DLGAP1: variants seen among roughly 807,000 people sequenced by gnomAD.
DLGAP1 encodes DLG associated protein 1.
DLGAP1 carries 11 observed loss-of-function variants against 90.8 expected under a neutral mutation model. The ratio of observed to expected loss-of-function variants is 0.12; its 90% confidence interval spans 0.08 to 0.20. DLGAP1 has a LOEUF of 0.20. Among genes scored for constraint, DLGAP1 ranks in the 10% least tolerant of loss-of-function variants. DLGAP1 has a pLI of 1.00. For synonymous variants in DLGAP1, 558 were observed against 540.7 expected (o/e 1.03, Z -0.44); for missense variants, 1,050 against 1,333.8 (o/e 0.79, Z 3.31).
intron 2 of DLGAP1, among the ~76,000 whole-genome samples, chr18:4,021,285 T>G (rs2074604330): frequency 6.6e-6 from 1 of 152,184 alleles, no homozygotes; most frequent in African/African-American, 2.4e-5. Context: ...TGGGAGGTAC[T>G]TGGGTCATCA....
intron 1 of DLGAP1, among the ~76,000 whole-genome samples, chr18:4,290,290 T>C (rs2079813992): frequency 6.6e-6 from 1 of 152,232 alleles, no homozygotes; most frequent in Admixed American, 6.5e-5. Context: ...AATACTTAGA[T>C]TATCAAAAAC....
chr18:3,953,082 C>T (rs1270934382), intron 3 of DLGAP1, among the ~76,000 whole-genome samples: 1 of 152,198 alleles, frequency 6.6e-6, no homozygotes, highest in East Asian at 1.9e-4. Flanking sequence ...AGTTAATTGT[C>T]CTGAGAAATT....
At chr18:3,874,959 C>T (rs1358491069) in intron 4 of DLGAP1, among the ~76,000 whole-genome samples, 2 of 152,156 alleles carry the variant, frequency 1.3e-5, no homozygotes, top group Admixed American at 1.3e-4. Flanking sequence ...AGGCTAAATA[C>T]TTATAGACTT....
At chr18:3,952,773 G>A (rs918959420) in intron 3 of DLGAP1, among the ~76,000 whole-genome samples, 1 of 152,176 alleles carries the variant, frequency 6.6e-6, no homozygotes, top group Admixed American at 6.5e-5. Context: ...CTGAACAGTT[G>A]TCTTTATTGC....
chr18:4,075,541 A>G (rs2075510537), intron 2 of DLGAP1, among the ~76,000 whole-genome samples: 2 of 152,292 alleles, frequency 1.3e-5, no homozygotes, highest in Middle Eastern at 3.4e-3. Flanking sequence ...TTGGGTCCCA[A>G]TTAGTTTGAT....
intron 1 of DLGAP1, among the ~76,000 whole-genome samples, chr18:4,167,035 G>A (rs1409522399): frequency 2.0e-5 from 3 of 152,078 alleles, no homozygotes; most frequent in African/African-American, 7.2e-5. Context: ...CTTACATTAT[G>A]TATATTTTAC....
intron 7 of DLGAP1, among the ~76,000 whole-genome samples, chr18:3,655,267 A>AC (rs1406005204): frequency 3.3e-5 from 5 of 151,398 alleles, no homozygotes; most frequent in South Asian, 2.1e-4. Context: ...GAGAACACAC[A>AC]CCCCCCCAAA....
intron 5 of DLGAP1, among the ~76,000 whole-genome samples, chr18:3,782,029 GGAA>G (rs1162017913): frequency 7.6e-4 from 5 of 6,548 alleles, no homozygotes; most frequent in African/African-American, 1.3e-3. Context: ...TTCCAAGCTT[GGAA>G]CAGTATTCCA....
chr18:3,796,880 A>G (rs2066016776), intron 5 of DLGAP1, among the ~76,000 whole-genome samples: 1 of 152,238 alleles, frequency 6.6e-6, no homozygotes, highest in Admixed American at 6.5e-5. Context: ...AGAAAATAGT[A>G]TCAGATGCTA....
intron 1 of DLGAP1, among the ~76,000 whole-genome samples, chr18:4,163,993 C>T (rs73369077): frequency 0.017 from 2,621 of 152,226 alleles, 80 homozygotes; most frequent in African/African-American, 0.059. Flanking sequence ...AGTGAAAATT[C>T]ACTCAGCTCA....
intron 5 of DLGAP1, among the ~76,000 whole-genome samples, chr18:3,748,476 G>C (rs1344435636): frequency 2.6e-5 from 4 of 152,178 alleles, no homozygotes; most frequent in Non-Finnish European, 5.9e-5. Context: ...GAGAATCTTT[G>C]GAGGTGATGG....
At chr18:4,400,042 C>T (rs2082520222) in intron 1 of DLGAP1, among the ~76,000 whole-genome samples, 1 of 152,122 alleles carries the variant, frequency 6.6e-6, no homozygotes, top group Non-Finnish European at 1.5e-5. Context: ...GACACCTGCA[C>T]CACTCTTGAA....
In DLGAP1 at chr18:4,453,528, C is replaced by G. The variant is rs567987112; in HGVS notation, c.-267+1478G>C. Among the ~76,000 whole-genome samples, 4 of 152,158 alleles carry G rather than the reference C, an allele frequency of 2.6e-5. No homozygotes were observed. In the East Asian group the frequency reaches 7.8e-4, roughly 30 times the overall value. The stretch of plus-strand genomic sequence containing the variant: ...TGAACTGAAATCGTGCTATAAATAA[C>G]AGTCAAAGGGCTGTTCTTTTTAGAA... On this transcript the variant is annotated intron_variant, in intron 1 of 12. Coordinates refer to ENST00000315677, the MANE Select transcript of DLGAP1 (RefSeq NM_004746.4).
intron 2 of DLGAP1, among the ~76,000 whole-genome samples, chr18:4,128,873 CAACT>C (rs1725681134): frequency 6.6e-6 from 1 of 152,110 alleles, no homozygotes; most frequent in Non-Finnish European, 1.5e-5. Flanking sequence ...CTTGACTGAA[CAACT>C]AACTGCTGGT....
intron 7 of DLGAP1, among the ~76,000 whole-genome samples, chr18:3,637,366 T>G (rs2058755003): frequency 6.6e-6 from 1 of 152,046 alleles, no homozygotes; most frequent in Non-Finnish European, 1.5e-5. Context: ...GAAACACGTT[T>G]AGTTTATTTG....
intron 5 of DLGAP1, among the ~76,000 whole-genome samples, chr18:3,772,346 CTCTTTCTTTCTT>C (rs869167707): frequency 0.021 from 294 of 14,220 alleles, 7 homozygotes; most frequent in African/African-American, 0.041. Flanking sequence ...CTCTCTCTCT[CTCTTTCTTTCTT>C]TCTTTCTTTC....
intron 2 of DLGAP1, among the ~76,000 whole-genome samples, chr18:4,125,987 G>A (rs1400255930): frequency 1.3e-5 from 2 of 152,178 alleles, no homozygotes; most frequent in African/African-American, 4.8e-5. Context: ...GACTTGATGA[G>A]CAAGGCAGTT....
In DLGAP1 at chr18:3,600,839, TATATATAG is replaced by T. The variant is rs1342917949; in HGVS notation, c.1592-18599_1592-18592del. On this transcript the variant is annotated intron_variant, in intron 7 of 12. Transcript: ENST00000315677. ...ATATAGATATATAGATATATATAGA[TATATATAG>T]ATATATAGATATATATAGATATATA... Among the ~76,000 whole-genome samples the T allele has an allele frequency of 7.3e-5, 7 of 96,176 alleles. 1 individual carries two copies. The highest frequency in any genetic ancestry group is 5.6e-4 in the East Asian group (2 of 3,592). The allele number at this position is 96,176 out of a possible 152,430, so 63.1% of individuals were successfully genotyped here.
intron 3 of DLGAP1, among the ~76,000 whole-genome samples, chr18:3,888,962 T>C (rs1422125552): frequency 6.6e-6 from 1 of 152,158 alleles, no homozygotes; most frequent in African/African-American, 2.4e-5. Context: ...TGAATTCCCT[T>C]GGGAGCCAGC....
Sources: allele counts gnomAD v4.1 joint callset (sites outside exome capture counted in the v4.1 genomes callset), GRCh38; gene constraint gnomAD v4.1.1; transcripts MANE v1.5; gene names NCBI Gene and HGNC (gene_info 2026-07-23, HGNC 2026-07-21).